ATP2B1: variants seen among roughly 807,000 people sequenced by gnomAD.
The protein encoded by ATP2B1 is ATPase plasma membrane Ca2+ transporting 1, also known as plasma membrane calcium-transporting ATPase 1.
ATP2B1 carries 14 observed loss-of-function variants against 124.2 expected under a neutral mutation model. That is an observed-to-expected ratio of 0.11 (90% CI 0.07 to 0.18). ATP2B1 has a LOEUF of 0.18. Among genes scored for constraint, ATP2B1 ranks in the 10% least tolerant of loss-of-function variants. The probability of loss-of-function intolerance (pLI) is 1.00; values close to 1 mark genes in which losing one functional copy is unlikely to be tolerated. For missense variants in ATP2B1, 763 were observed against 1,466.1 expected (o/e 0.52, Z 7.83); for synonymous variants, 449 against 492.4 (o/e 0.91, Z 1.17).
At chr12:89,659,051 C>T (rs951603541) in intron 1 of ATP2B1, among the ~76,000 whole-genome samples, 6 of 152,072 alleles carry the variant, frequency 3.9e-5, no homozygotes, top group East Asian at 1.9e-4. Context: ...GACAAAAATA[C>T]GAAGGACAAT....
chr12:89,701,005 CTACTCT>C (rs1242993564), intron 1 of ATP2B1, among the ~76,000 whole-genome samples: 1 of 152,176 alleles, frequency 6.6e-6, no homozygotes. Context: ...TCTAAAATTA[CTACTCT>C]ATGTATCACT....
In ATP2B1 at chr12:89,667,173, G is replaced by A. The variant is rs905303832; in HGVS notation, c.-221-11066C>T. Among the ~76,000 whole-genome samples the A allele has an allele frequency of 3.9e-5, 6 of 152,032 alleles. No individual in the cohort carries two copies. In the East Asian group the frequency reaches 7.7e-4, roughly 20 times the overall value. ...CATTCTTCTGTCCACACACTACTAA[G>A]ATGGCTCTCTATGAAGAGCCATCTT... On this transcript the variant is annotated intron_variant, in intron 1 of 20. Coordinates refer to ENST00000428670, the MANE Select transcript of ATP2B1 (RefSeq NM_001366521.1).
intron 2 of ATP2B1, among the ~76,000 whole-genome samples, chr12:89,648,847 C>T (rs1022692638): frequency 6.6e-6 from 1 of 152,382 alleles, no homozygotes; most frequent in Non-Finnish European, 1.5e-5. Context: ...CTTCAGGAGA[C>T]TGCTCCCTGC....
At chr12:89,643,131 T>A (rs1213865553) in intron 2 of ATP2B1, among the ~76,000 whole-genome samples, 1 of 151,002 alleles carries the variant, frequency 6.6e-6, no homozygotes, top group East Asian at 1.9e-4. Flanking sequence ...TACACGTATA[T>A]ATGTATATAC....
chr12:89,667,829 T>C (rs908646389), intron 1 of ATP2B1, among the ~76,000 whole-genome samples: 16 of 152,210 alleles, frequency 1.1e-4, no homozygotes, highest in African/African-American at 3.9e-4. Flanking sequence ...AATCTACAGA[T>C]TCGGTGCTAT....
rs1041616775 is a variant in ATP2B1 at position 89,599,230 on chromosome 12, C to T, written c.3238G>A (p.Glu1080Lys). The T allele has an allele frequency of 3.7e-6, 6 of 1,614,162 alleles. No individual in the cohort carries two copies. The highest frequency in any genetic ancestry group is 1.3e-5 in the African/African-American group (1 of 75,052). Reference sequence around the variant, plus strand: ...TCTGCTAATTCCTCCTCAGGTATTTCTTCCTTTTGTGTTCCATGACCAGCT... The same window carrying T: ...TCTGCTAATTCCTCCTCAGGTATTTTTTCCTTTTGTGTTCCATGACCAGCT... ...KEAGHGTQKE[E>K]IPEEELAEDV... The change falls in exon 20 of 21, where the codon GAA becomes AAA. Residue 1080 changes from glutamate (E) to lysine (K), a missense_variant. By Grantham distance (56) the Glu-to-Lys change is moderately conservative. Around this residue, in one of 7 missense-constraint regions of ATP2B1, gnomAD observed 118 missense variants for 240.3 expected, o/e 0.49. Transcript: ENST00000428670.
At position 89,589,794 on chromosome 12, in the gene ATP2B1, T is replaced by C. The variant is rs1049535150; in HGVS notation, c.*1190A>G. ...AGCTGAAATGTCTTTTAAAAAAACA[T>C]TGCCATGAATTTATTTAATAAAAGG... On this transcript the variant is annotated 3_prime_UTR_variant, in exon 21 of 21. Coordinates refer to ENST00000428670, the MANE Select transcript of ATP2B1 (RefSeq NM_001366521.1). 1 of 152,148 alleles carries C rather than the reference T, an allele frequency of 6.6e-6. No individual in the cohort carries two copies. Among genetic ancestry groups the C allele is most frequent in the Non-Finnish European group, 1.5e-5 (1 of 67,992 alleles). 9.4% of individuals were successfully genotyped at this position (152,148 alleles called of 1,614,324 possible).
chr12:89,692,946 T>C (rs1890713940), intron 1 of ATP2B1, among the ~76,000 whole-genome samples: 1 of 152,186 alleles, frequency 6.6e-6, no homozygotes. Context: ...TCATTTCACT[T>C]AATGTTGCAG....
rs117348789 is a variant in ATP2B1, at chr12:89,658,829, C to T, written c.-221-2722G>A. On this transcript the variant is annotated intron_variant, in intron 1 of 20. Coordinates refer to ENST00000428670, the MANE Select transcript of ATP2B1 (RefSeq NM_001366521.1). ...GATAAGCACATGAATATTAATCATG[C>T]TCAATTCCCTCACTGTTTAAAGAAA... 3.7e-4 allele frequency among the ~76,000 whole-genome samples: 57 copies of T among 152,268 alleles called. No homozygotes were observed. In the East Asian group the frequency reaches 8.9e-3, roughly 24 times the overall value.
chr12:89,667,250 C>A (rs1252980474), intron 1 of ATP2B1, among the ~76,000 whole-genome samples: 1 of 152,168 alleles, frequency 6.6e-6, no homozygotes, highest in Admixed American at 6.5e-5. Context: ...GGCTTTTTAT[C>A]AGTCCTCATC....
chr12:89,608,259 C>G (rs1281443754), intron 15 of ATP2B1, among the ~76,000 whole-genome samples: 1 of 152,240 alleles, frequency 6.6e-6, no homozygotes, highest in Middle Eastern at 3.4e-3. Context: ...GCCTGCGCCT[C>G]CTGGGTTCAA....
At chr12:89,606,715 A>G (rs1876956840) in intron 15 of ATP2B1, among the ~76,000 whole-genome samples, 1 of 151,898 alleles carries the variant, frequency 6.6e-6, no homozygotes, top group Non-Finnish European at 1.5e-5. Context: ...CTAAGATTAC[A>G]GTCACACATC....
intron 1 of ATP2B1, among the ~76,000 whole-genome samples, chr12:89,701,262 C>A (rs540487817): frequency 2.0e-5 from 3 of 152,288 alleles, no homozygotes; most frequent in African/African-American, 7.2e-5. Context: ...CAAAACTCAG[C>A]ATTACTCCAC....
At chr12:89,593,955 G>A (rs1874083133) in intron 20 of ATP2B1, 1 of 151,890 alleles carries the variant, frequency 6.6e-6, no homozygotes, top group Admixed American at 6.6e-5. Flanking sequence ...GTCAAGAGAA[G>A]ACAAAAACAT....
At chr12:89,612,564 G>A (rs150014661) in intron 12 of ATP2B1, among the ~76,000 whole-genome samples, 140 of 152,190 alleles carry the variant, frequency 9.2e-4, no homozygotes, top group African/African-American at 3.2e-3. Flanking sequence ...AGATTTGTGC[G>A]TAATCTCTTC....
chr12:89,617,103 G>A (rs1879086959), intron 11 of ATP2B1, 64 bp from the exon 12 acceptor site: 1 of 1,253,766 alleles, frequency 8.0e-7, no homozygotes. Flanking sequence ...TGCCATTTAA[G>A]TGAACTGGCA....
rs544087541 is a variant in ATP2B1, at chr12:89,695,058, C to CAAAAAAAAAAAAA, written c.-222+13525_-222+13537dup. Among the ~76,000 whole-genome samples, 31 of 110,866 alleles carry CAAAAAAAAAAAAA rather than the reference C, an allele frequency of 2.8e-4. 1 individual carries two copies. The highest frequency in any genetic ancestry group is 5.0e-4 in the Non-Finnish European group (27 of 53,696). The allele number at this position is 110,866 out of a possible 152,430, so 72.7% of individuals were successfully genotyped here. On this transcript the variant is annotated intron_variant, in intron 1 of 20. Coordinates refer to ENST00000428670, the MANE Select transcript of ATP2B1 (RefSeq NM_001366521.1). ...GGGCGACAAGAGCAAGATGCTGTTT[C>CAAAAAAAAAAAAA]AAAAAAAAAAAAAGAAAAGAATTAT...
chr12:89,631,730 A>C (rs1323741558), intron 5 of ATP2B1, among the ~76,000 whole-genome samples: 1 of 152,174 alleles, frequency 6.6e-6, no homozygotes, highest in African/African-American at 2.4e-5. Context: ...AACATGGATT[A>C]AATTCTATGT....
In ATP2B1 at chr12:89,620,194, G is replaced by A. The variant is rs1879730207; in HGVS notation, c.1634C>T (p.Thr545Ile). The A allele has an allele frequency of 6.2e-7, 1 of 1,614,022 alleles. No homozygotes were observed. The highest frequency in any genetic ancestry group is 8.5e-7 in the Non-Finnish European group (1 of 1,179,960). The change falls in exon 11 of 21, where the codon ACT becomes ATT. Residue 545 changes from threonine to isoleucine, a missense_variant. By Grantham distance (89) the Thr-to-Ile change is moderately conservative. This residue lies in a region of ATP2B1 where 392 missense variants were observed against 776.6 expected (regional missense o/e 0.50). Coordinates refer to ENST00000428670, the MANE Select transcript of ATP2B1 (RefSeq NM_001366521.1). ...GGLPRHVGNK[T>I]ECALLGLLLD... is the part of the protein sequence containing the mutation. ...AAGAAGTCCCAACAAGGCACATTCA[G>A]TTTTATTACCAACGTGACGAGGTAA...
Sources: allele counts gnomAD v4.1 joint callset (sites outside exome capture counted in the v4.1 genomes callset), GRCh38; gene constraint gnomAD v4.1.1; regional missense constraint gnomAD v4.1.1; transcripts MANE v1.5; gene names NCBI Gene and HGNC (gene_info 2026-07-23, HGNC 2026-07-21).